Variants in SMIM22 observed in about 807,000 individuals in gnomAD.
SMIM22 encodes small integral membrane protein 22, also known as cancer associated small integral membrane open reading frame 1.
A neutral mutation model predicts 8.4 loss-of-function variants in SMIM22; 16 were observed. The observed-to-expected ratio is 1.90, with a 90% CI of 1.29 to 2.89. SMIM22 has a LOEUF of 2.89. Ranked by LOEUF, SMIM22 falls within the 30% of genes most tolerant of loss-of-function variation. The pLI is 0.00. For missense variants in SMIM22, 159 were observed against 107.5 expected, an observed-to-expected ratio of 1.48 and a Z score of -2.12; for synonymous variants, 67 against 47.6, an observed-to-expected ratio of 1.41 and a Z score of -1.68.
upstream of SMIM22, among the ~76,000 whole-genome samples, chr16:4,792,840 T>C (rs1397689126): frequency 6.9e-6 from 1 of 145,322 alleles, no homozygotes; most frequent in Non-Finnish European, 1.5e-5. Flanking sequence ...CCAAGCATCG[T>C]GGCTCACACC....
chr16:4,791,320 G>C (rs551145303), upstream of SMIM22, among the ~76,000 whole-genome samples: 1 of 152,180 alleles, frequency 6.6e-6, no homozygotes, highest in South Asian at 2.1e-4. Context: ...TCTATGCAGC[G>C]TGACTATGGT....
At chr16:4,796,137 C>T (rs1445149853) in intron 3 of SMIM22, 53 bp from the exon 4 acceptor site, 4 of 1,535,784 alleles carry the variant, frequency 2.6e-6, no homozygotes, top group South Asian at 2.4e-5. Flanking sequence ...GGTGCTCATC[C>T]CCCTAGGGAA....
At chr16:4,791,728 C>T (rs2082553946), upstream of SMIM22, among the ~76,000 whole-genome samples, 1 of 152,182 alleles carries the variant, frequency 6.6e-6, no homozygotes, top group African/African-American at 2.4e-5. Flanking sequence ...CACTCTGTCA[C>T]CCAGGCTGGA....
In SMIM22 at chr16:4,796,050, T is replaced by C; in HGVS notation, c.225+2T>C. On this transcript the variant is annotated splice_donor_variant, in intron 3 of 3. Coordinates refer to ENST00000586005, the MANE Select transcript of SMIM22 (RefSeq NM_001253794.2). LOFTEE classifies it high-confidence loss of function. ...CCCAGGAAGGTGAGCCCCTGGAAGGTGAGCCCTGCCGGCCTCTGGGACCTG... is the reference window on the plus strand; with the variant it reads ...CCCAGGAAGGTGAGCCCCTGGAAGGCGAGCCCTGCCGGCCTCTGGGACCTG... 1.3e-6 allele frequency: 2 copies of C among 1,531,048 alleles called. No individual in the cohort carries two copies. The highest frequency in any genetic ancestry group is 1.7e-6 in the Non-Finnish European group (2 of 1,143,484). 94.8% of individuals were successfully genotyped at this position (1,531,048 alleles called of 1,614,324 possible). A position where few individuals can be genotyped will look rare whatever the true frequency, so the allele number is the denominator to read the frequency against.
chr16:4,795,304 C>A (rs142311383), upstream of SMIM22: 866 of 176,524 alleles, frequency 4.9e-3, 8 homozygotes, highest in African/African-American at 0.02. Flanking sequence ...GGGCCTGGGC[C>A]CTCTCCCCTG....
At chr16:4,795,918 G>T in intron 2 of SMIM22, 30 bp from the exon 3 acceptor site, 12 of 1,526,364 alleles carry the variant, frequency 7.9e-6, no homozygotes, top group Non-Finnish European at 1.1e-5. Flanking sequence ...CCAGGTTGGG[G>T]CCACACCTGG....
chr16:4,789,378 T>A (rs2082513569), intron 2 of SMIM22, among the ~76,000 whole-genome samples: 1 of 151,588 alleles, frequency 6.6e-6, no homozygotes, highest in African/African-American at 2.4e-5. Context: ...CAGGCTGGAG[T>A]TTAGTGGCAT....
At chr16:4,792,621 G>A (rs1333625376), upstream of SMIM22, among the ~76,000 whole-genome samples, 8 of 151,350 alleles carry the variant, frequency 5.3e-5, no homozygotes, top group Admixed American at 6.6e-5. Context: ...GACCAACATG[G>A]TGAAACCCCG....
intron 1 of SMIM22, chr16:4,788,640 T>C (rs1375486968): frequency 2.0e-5 from 3 of 152,194 alleles, no homozygotes; most frequent in Non-Finnish European, 4.4e-5. Flanking sequence ...ATTGGCGCCA[T>C]GTGTTTTAAG....
upstream of SMIM22, among the ~76,000 whole-genome samples, chr16:4,792,243 T>C (rs1313449125): frequency 1.3e-5 from 2 of 151,144 alleles, no homozygotes; most frequent in Admixed American, 6.6e-5. Context: ...CAGGCTGGAG[T>C]GCAGTGGCGT....
At chr16:4,788,406 G>C (rs913181982), upstream of SMIM22, 4 of 152,740 alleles carry the variant, frequency 2.6e-5, no homozygotes, top group African/African-American at 9.7e-5. Flanking sequence ...TGCACTTGCT[G>C]TGACCCCCAC....
chr16:4,795,309 C>G (rs74904713), upstream of SMIM22: 1,058 of 193,634 alleles, frequency 5.5e-3, 5 homozygotes, highest in African/African-American at 0.023. Flanking sequence ...TGGGCCCTCT[C>G]CCCTGGGCTG....
At chr16:4,791,172 T>C (rs76419563), upstream of SMIM22, among the ~76,000 whole-genome samples, 1 of 152,110 alleles carries the variant, frequency 6.6e-6, no homozygotes, top group Admixed American at 6.5e-5. Flanking sequence ...ATCGTGGCGG[T>C]GAGGGGAGGA....
chr16:4,792,838 C>T (rs995600142), upstream of SMIM22, among the ~76,000 whole-genome samples: 2 of 145,616 alleles, frequency 1.4e-5, no homozygotes, highest in East Asian at 2.1e-4. Context: ...GGCCAAGCAT[C>T]GTGGCTCACA....
upstream of SMIM22, among the ~76,000 whole-genome samples, chr16:4,793,909 T>G (rs947541220): frequency 6.6e-6 from 1 of 152,066 alleles, no homozygotes; most frequent in Non-Finnish European, 1.5e-5. Context: ...CCCGATTAGC[T>G]GGGATTACAG....
chr16:4,795,789 C>G lies in SMIM22; in HGVS notation c.55C>G (p.Leu19Val), dbSNP rs2082630340. 1 of 1,535,838 alleles carries G rather than the reference C, an allele frequency of 6.5e-7. No homozygotes were observed. Among genetic ancestry groups the G allele is most frequent in the African/African-American group, 1.4e-5 (1 of 73,004 alleles). The change falls in exon 2 of 4, where the codon CTG becomes GTG. Residue 19 changes from leucine (L) to valine (V), a missense_variant. Physicochemically the swap from Leu to Val is conservative, Grantham distance 32 (BLOSUM62 1). Coordinates refer to ENST00000586005, the MANE Select transcript of SMIM22 (RefSeq NM_001253794.2). The part of the protein sequence containing the change: ...EATVQEVLGR[L>V]KSHQFFQSTW... ...CACGGTTCAGGAAGTCCTGGGGAGA[C>G]TGAAGAGCCACCAGTTTTTCCAGTC...
chr16:4,792,242 G>C (rs1233474014), upstream of SMIM22, among the ~76,000 whole-genome samples: 1 of 151,450 alleles, frequency 6.6e-6, no homozygotes, highest in Non-Finnish European at 1.5e-5. Context: ...CCAGGCTGGA[G>C]TGCAGTGGCG....
chr16:4,796,005 C>G lies in SMIM22; in HGVS notation c.182C>G (p.Pro61Arg). 1 of 1,512,402 alleles carries G rather than the reference C, an allele frequency of 6.6e-7. No individual in the cohort carries two copies. Among genetic ancestry groups the G allele is most frequent in the Non-Finnish European group, 8.8e-7 (1 of 1,134,948 alleles). 93.7% of individuals were successfully genotyped at this position (1,512,402 alleles called of 1,614,324 possible). A position where few individuals can be genotyped will look rare whatever the true frequency, so the allele number is the denominator to read the frequency against. Residue 61 changes from proline (P) to arginine (R), a missense_variant, in exon 3 of 4, where the codon CCC becomes CGC. Coordinates refer to ENST00000586005, the MANE Select transcript of SMIM22 (RefSeq NM_001253794.2). The part of the protein sequence containing the change: ...VVAHCCCCSS[P>R]GPRRESPRKV... ...GCCCACTGCTGCTGCTGCAGCTCCCCCGGGCCCCGCAGGGAAAGCCCCAGG... is the reference window on the plus strand; with the variant it reads ...GCCCACTGCTGCTGCTGCAGCTCCCGCGGGCCCCGCAGGGAAAGCCCCAGG...
At position 4,795,468 on chromosome 16, in the gene SMIM22, G is replaced by A; in HGVS notation, c.-21+19G>A. 2.4e-6 allele frequency: 1 copy of A among 417,156 alleles called. No individual in the cohort carries two copies. The highest frequency in any genetic ancestry group is 5.1e-5 in the Admixed American group (1 of 19,744). 25.8% of individuals were successfully genotyped at this position (417,156 alleles called of 1,614,324 possible). A position where few individuals can be genotyped will look rare whatever the true frequency, so the allele number is the denominator to read the frequency against. On this transcript the variant is annotated intron_variant, in intron 1 of 3. Transcript: ENST00000586005. Reference sequence around the variant, plus strand: ...CTAGGAGGTAGGTGGGGGCCTGGGGGCTGGGCTGCCAGGGGGAGAGAGAGG... The same window carrying A: ...CTAGGAGGTAGGTGGGGGCCTGGGGACTGGGCTGCCAGGGGGAGAGAGAGG...
Sources: gnomAD v4.1 joint callset for allele counts (sites outside exome capture counted in the v4.1 genomes callset) on GRCh38, gnomAD v4.1.1 for gene constraint, MANE v1.5 for transcripts, NCBI Gene and HGNC (gene_info 2026-07-23, HGNC 2026-07-21) for gene names.